Variants in HMCN2 observed in about 807,000 individuals in gnomAD.
HMCN2 encodes hemicentin-2.
A neutral mutation model predicts 377.5 loss-of-function variants in HMCN2; 325 were observed. The ratio of observed to expected loss-of-function variants is 0.86; its 90% CI spans 0.79 to 0.94. The LOEUF (loss-of-function observed/expected upper bound fraction) is 0.94, where lower values mean the gene tolerates loss of function less well. Ranked by LOEUF, HMCN2 falls within the 40% of genes least tolerant of loss-of-function variation. HMCN2 has a pLI of 0.00. For missense variants in HMCN2, 4,543 were observed against 4,725.3 expected (o/e 0.96, Z 1.13); for synonymous variants, 2,007 against 2,046.8 (o/e 0.98, Z 0.53).
In HMCN2 at chr9:130,361,651, T is replaced by C. The variant is rs1460478304; in HGVS notation, c.5951-357T>C. ...AATATGGTATTTCATCTCACACCCCTGAGTTAGGAAGTAGCACTGTCCAGG... is the reference window on the plus strand; with the variant it reads ...AATATGGTATTTCATCTCACACCCCCGAGTTAGGAAGTAGCACTGTCCAGG... On this transcript the variant is annotated intron_variant, in intron 38 of 97. Coordinates refer to ENST00000683500, the MANE Select transcript of HMCN2 (RefSeq NM_001291815.2). This position sits in a 1 kb window ranked among gnomAD's most constrained non-coding sequence, Gnocchi z 4.8. Among the ~76,000 whole-genome samples the C allele has an allele frequency of 6.6e-6, 1 of 152,186 alleles. No individual in the cohort carries two copies. Among genetic ancestry groups the C allele is most frequent in the East Asian group, 1.9e-4 (1 of 5,186 alleles).
Position 130,309,961 on chromosome 9 carries a change from G to T in HMCN2, c.2250G>T (p.Leu750=), listed in dbSNP as rs782433197. 3.8e-6 allele frequency: 2 copies of T among 528,934 alleles called. No homozygotes were observed. Among genetic ancestry groups the T allele is most frequent in the Non-Finnish European group, 7.8e-6 (2 of 257,482 alleles). 32.8% of individuals were successfully genotyped at this position (528,934 alleles called of 1,614,324 possible). Residue 750 remains leucine, a synonymous_variant, in exon 15 of 98, where the codon CTG becomes CTT. Transcript: ENST00000683500. ...CTGAGGGCTCCAGCTCTGGGAAGCT[G>T]CGGATCCCGGCGGCTCAGGAGAGGG... is the stretch of plus-strand genomic sequence containing the variant. ...LAPEGSSSGK[L]RIPAAQERDA...
rs1390005990 is a variant in HMCN2 at position 130,402,863 on chromosome 9, G to A, written c.11845G>A (p.Val3949Ile). ...CTGCTCAGCCCGCAACTCTGCCGGC[G>A]TAGCCCACAAGCACGTCTTCCTCAC... ...YTCSARNSAG[V>I]AHKHVFLTVQ... Residue 3949 changes from valine to isoleucine, a missense_variant, in exon 78 of 98, where the codon GTA becomes ATA. Physicochemically the swap from Val to Ile is conservative, Grantham distance 29 (BLOSUM62 3). Around this residue, in one of 5 missense-constraint regions of HMCN2, gnomAD observed 1,073 missense variants for 1,319.5 expected, o/e 0.81. Coordinates refer to ENST00000683500, the MANE Select transcript of HMCN2 (RefSeq NM_001291815.2). 3.3e-5 allele frequency: 42 copies of A among 1,289,634 alleles called. No individual in the cohort carries two copies. Among genetic ancestry groups the A allele is most frequent in the East Asian group, 1.1e-4 (2 of 18,020 alleles). The allele number at this position is 1,289,634 out of a possible 1,614,324, so 79.9% of individuals were successfully genotyped here. A position where few individuals can be genotyped will look rare whatever the true frequency, so the allele number is the denominator to read the frequency against.
intron 94 of HMCN2, 63 bp from the exon 95 acceptor site, chr9:130,430,221 T>G (rs1588452373): frequency 7.4e-7 from 1 of 1,346,376 alleles, no homozygotes; most frequent in Non-Finnish European, 1.0e-6. Context: ...GGCCAGGCAA[T>G]GGCTGCAGGC....
intron 54 of HMCN2, among the ~76,000 whole-genome samples, chr9:130,379,914 T>C (rs963766595): frequency 4.6e-5 from 7 of 152,352 alleles, no homozygotes; most frequent in African/African-American, 1.7e-4. Context: ...TCGCTCTTGT[T>C]GCCCAGGCTG....
At chr9:130,421,273 T>C (rs1367275688) in intron 86 of HMCN2, among the ~76,000 whole-genome samples, 1 of 152,244 alleles carries the variant, frequency 6.6e-6, no homozygotes, top group Non-Finnish European at 1.5e-5. Flanking sequence ...CAACGTAGTT[T>C]ATTTTCCTAG....
intron 36 of HMCN2, 81 bp downstream of exon 36, chr9:130,358,567 C>A: frequency 1.6e-6 from 2 of 1,246,634 alleles, no homozygotes; most frequent in Non-Finnish European, 1.1e-6. Context: ...AAGTGTGTGG[C>A]GAGGGAGGGG....
Position 130,422,583 on chromosome 9 carries a change from C to G in HMCN2, c.13238C>G (p.Pro4413Arg). The change falls in exon 87 of 98, where the codon CCC becomes CGC. Residue 4413 changes from proline (P) to arginine (R), a missense_variant. Transcript: ENST00000683500. The surrounding 1 kb of genome is among the most constrained non-coding windows in gnomAD (Gnocchi z 4.2). The stretch of plus-strand genomic sequence containing the variant: ...TTCTTTCCCTTCCTTACAGGGGAGC[C>G]CCAGGGGAGCTGGGGCAGCATGACT... Reference protein sequence around the residue: ...ARAFLVVRGEPQGSWGSMTGV... With the variant: ...ARAFLVVRGERQGSWGSMTGV... The G allele has an allele frequency of 7.6e-7, 1 of 1,316,998 alleles. No homozygotes were observed. Among genetic ancestry groups the G allele is most frequent in the Non-Finnish European group, 9.7e-7 (1 of 1,026,900 alleles). 81.6% of individuals were successfully genotyped at this position (1,316,998 alleles called of 1,614,324 possible). A position where few individuals can be genotyped will look rare whatever the true frequency, so the allele number is the denominator to read the frequency against.
chr9:130,314,978 G>A (rs1225442890), intron 15 of HMCN2, among the ~76,000 whole-genome samples: 1 of 151,912 alleles, frequency 6.6e-6, no homozygotes, highest in Non-Finnish European at 1.5e-5. Context: ...GCGCAGGGGA[G>A]TCACCACCTC....
rs750480362 is a variant in HMCN2 at position 130,386,517 on chromosome 9, C to T, written c.9384C>T (p.Thr3128=). 1.8e-5 allele frequency: 24 copies of T among 1,303,104 alleles called. No individual in the cohort carries two copies. The highest frequency in any genetic ancestry group is 1.7e-4 in the East Asian group (3 of 18,022). The allele number at this position is 1,303,104 out of a possible 1,614,324, so 80.7% of individuals were successfully genotyped here. The change falls in exon 61 of 98, where the codon ACC becomes ACT. Residue 3128 remains threonine, a synonymous_variant. Coordinates refer to ENST00000683500, the MANE Select transcript of HMCN2 (RefSeq NM_001291815.2). ...AGGCCGTGCGGACCTTCACCCTCACCGTCCAGGGTAAGCCAGGGACCAGCC... is the reference window on the plus strand; with the variant it reads ...AGGCCGTGCGGACCTTCACCCTCACTGTCCAGGGTAAGCCAGGGACCAGCC... ...AGEAVRTFTL[T]VQVPPTFENP... is the part of the protein sequence containing the mutation.
chr9:130,375,606 G>A lies in HMCN2; in HGVS notation c.7674G>A (p.Glu2558=). Residue 2558 remains glutamate (E), a synonymous_variant, in exon 50 of 98, where the codon GAG becomes GAA. Coordinates refer to ENST00000683500, the MANE Select transcript of HMCN2 (RefSeq NM_001291815.2). The part of the protein sequence containing the change: ...ILGGAEDSAD[E]EVTVTVNNPI... The stretch of plus-strand genomic sequence containing the variant: ...GAGGGGCCGAGGACAGTGCAGATGA[G>A]GAGGTGACCGTGACTGTCAACAACC... 3 of 985,860 alleles carry A rather than the reference G, an allele frequency of 3.0e-6. No homozygotes were observed. Among genetic ancestry groups the A allele is most frequent in the Non-Finnish European group, 3.6e-6 (3 of 829,942 alleles). 61.1% of individuals were successfully genotyped at this position (985,860 alleles called of 1,614,324 possible). A position where few individuals can be genotyped will look rare whatever the true frequency, so the allele number is the denominator to read the frequency against.
rs774222761 is a variant in HMCN2, at chr9:130,418,986, C to T, written c.13176C>T (p.Cys4392=). 1.1e-5 allele frequency: 16 copies of T among 1,509,956 alleles called. No homozygotes were observed. Among genetic ancestry groups the T allele is most frequent in the East Asian group, 9.9e-5 (4 of 40,398 alleles). The allele number at this position is 1,509,956 out of a possible 1,614,324, so 93.5% of individuals were successfully genotyped here. A position where few individuals can be genotyped will look rare whatever the true frequency, so the allele number is the denominator to read the frequency against. The change falls in exon 86 of 98, where the codon TGC becomes TGT. Residue 4392 remains cysteine, a synonymous_variant. Transcript: ENST00000683500. ...CTGGGGATGCAGGCACCTACGACTG[C>T]GTCGCTCACAACCTCCTGGGCTCTG... ...VETGDAGTYD[C]VAHNLLGSAT...
intron 66 of HMCN2, among the ~76,000 whole-genome samples, chr9:130,392,800 T>C (rs566594345): frequency 3.0e-4 from 45 of 152,056 alleles, no homozygotes; most frequent in African/African-American, 7.2e-4. Flanking sequence ...ATCAAGACCA[T>C]CCTGGCTAAC....
rs146528037 is a variant in HMCN2 at position 130,394,544 on chromosome 9, C to A, written c.10661C>A (p.Ala3554Asp). The A allele has an allele frequency of 5.4e-6, 7 of 1,289,106 alleles. No homozygotes were observed. Among genetic ancestry groups the A allele is most frequent in the Non-Finnish European group, 6.1e-6 (6 of 988,642 alleles). The allele number at this position is 1,289,106 out of a possible 1,614,324, so 79.9% of individuals were successfully genotyped here. A position where few individuals can be genotyped will look rare whatever the true frequency, so the allele number is the denominator to read the frequency against. ...ACCAGGCTGGAGAACAACAGCAGAG[C>A]CACACGGGTGCTCCGGGTGGAGAAT... ...ALTRLENNSR[A>D]TRVLRVENVQ... Residue 3554 changes from alanine (A) to aspartate (D), a missense_variant, in exon 69 of 98, where the codon GCC becomes GAC. Physicochemically the swap from Ala to Asp is moderately radical, Grantham distance 126. Transcript: ENST00000683500. The surrounding 1 kb of genome is among the most constrained non-coding windows in gnomAD (Gnocchi z 5.1).
chr9:130,357,923 C>T lies in HMCN2; in HGVS notation c.5515C>T (p.Pro1839Ser), dbSNP rs937607764. 2 of 1,304,030 alleles carry T rather than the reference C, an allele frequency of 1.5e-6. No homozygotes were observed. Among genetic ancestry groups the T allele is most frequent in the Admixed American group, 2.3e-5 (1 of 43,566 alleles). The allele number at this position is 1,304,030 out of a possible 1,614,324, so 80.8% of individuals were successfully genotyped here. A position where few individuals can be genotyped will look rare whatever the true frequency, so the allele number is the denominator to read the frequency against. The change falls in exon 35 of 98, where the codon CCC (proline) becomes TCC (serine). Residue 1839 changes from proline to serine, a missense_variant. Physicochemically the swap from Pro to Ser is moderately conservative, Grantham distance 74 (BLOSUM62 -1). Coordinates refer to ENST00000683500, the MANE Select transcript of HMCN2 (RefSeq NM_001291815.2). ...VTLQCIGDGV[P>S]TPSLRWWKDG... The stretch of plus-strand genomic sequence containing the variant: ...CCTCCAGTGCATAGGGGATGGGGTG[C>T]CCACCCCAAGCCTCCGTTGGTGGAA...
chr9:130,380,211 G>A (rs1412122436), intron 54 of HMCN2, among the ~76,000 whole-genome samples: 1 of 152,126 alleles, frequency 6.6e-6, no homozygotes, highest in Non-Finnish European at 1.5e-5. Context: ...CACCTTAAGA[G>A]GTATTTGTTT....
chr9:130,404,921 C>A lies in HMCN2; in HGVS notation c.12201C>A (p.Ser4067=), dbSNP rs1193187176. 6.2e-6 allele frequency: 8 copies of A among 1,287,980 alleles called. No individual in the cohort carries two copies. Among genetic ancestry groups the A allele is most frequent in the Non-Finnish European group, 8.1e-6 (8 of 987,954 alleles). The allele number at this position is 1,287,980 out of a possible 1,614,324, so 79.8% of individuals were successfully genotyped here. A position where few individuals can be genotyped will look rare whatever the true frequency, so the allele number is the denominator to read the frequency against. The part of the protein sequence containing the change: ...GLPDLSTTEG[S]HAFLPCKARG... ...CAGACCTGTCCACCACCGAAGGCTCCCACGCCTTCTTGCCTTGCAAGGCGA... is the reference window on the plus strand; with the variant it reads ...CAGACCTGTCCACCACCGAAGGCTCACACGCCTTCTTGCCTTGCAAGGCGA... Residue 4067 remains serine, a synonymous_variant, in exon 81 of 98, where the codon TCC becomes TCA. Coordinates refer to ENST00000683500, the MANE Select transcript of HMCN2 (RefSeq NM_001291815.2).
chr9:130,395,203 C>T lies in HMCN2; in HGVS notation c.10775-8C>T. On this transcript the variant is annotated splice_region_variant and splice_polypyrimidine_tract_variant and intron_variant, in intron 70 of 97. Coordinates refer to ENST00000683500, the MANE Select transcript of HMCN2 (RefSeq NM_001291815.2). ...CTCTCATATCCTCTTGTGCCACCCC[C>T]TTCCCAGCCCCTCCAAACATTGTTG... 7.8e-7 allele frequency: 1 copy of T among 1,287,396 alleles called. No homozygotes were observed. Among genetic ancestry groups the T allele is most frequent in the South Asian group, 1.2e-5 (1 of 80,616 alleles). The allele number at this position is 1,287,396 out of a possible 1,614,324, so 79.7% of individuals were successfully genotyped here. A position where few individuals can be genotyped will look rare whatever the true frequency, so the allele number is the denominator to read the frequency against.
chr9:130,369,593 CG>C lies in HMCN2; in HGVS notation c.6814del (p.Glu2272SerfsTer28). 1 of 985,794 alleles carries C rather than the reference CG, an allele frequency of 1.0e-6. No homozygotes were observed. Among genetic ancestry groups the C allele is most frequent in the Non-Finnish European group, 1.2e-6 (1 of 829,946 alleles). 61.1% of individuals were successfully genotyped at this position (985,794 alleles called of 1,614,324 possible). ...VHVPPQIAGP[R>X]EPPTQVSVVQ... The stretch of plus-strand genomic sequence containing the variant: ...AGTTCCCCCTCAGATTGCCGGTCCC[CG>C]GGAGCCTCCCACACAAGTCTCTGTG... On this transcript the variant is annotated frameshift_variant, in exon 45 of 98. Transcript: ENST00000683500. LOFTEE classifies it high-confidence loss of function. This position sits in a 1 kb window ranked among gnomAD's most constrained non-coding sequence, Gnocchi z 4.5.
intron 49 of HMCN2, 29 bp downstream of exon 49, chr9:130,374,722 C>T (rs759560873): frequency 6.0e-5 from 59 of 981,768 alleles, no homozygotes; most frequent in Middle Eastern, 5.2e-4. Flanking sequence ...CTGGCCACCG[C>T]GGGTGCTGGA....
Sources: gnomAD v4.1 joint callset for allele counts (sites outside exome capture counted in the v4.1 genomes callset) on GRCh38, gnomAD v4.1.1 for gene constraint, gnomAD v4.1.1 regional missense constraint, Gnocchi (gnomAD v3.1) non-coding constraint, MANE v1.5 for transcripts, NCBI Gene and HGNC (gene_info 2026-07-23, HGNC 2026-07-21) for gene names.